The following KCNK2 variants were observed in gnomAD, a reference collection of about 807,000 sequenced individuals.
The protein encoded by KCNK2 is potassium channel subfamily K member 2.
A neutral mutation model predicts 40.5 loss-of-function variants in KCNK2; 21 were observed. The observed-to-expected ratio is 0.52, with a 90% confidence interval of 0.37 to 0.75. The LOEUF is 0.75. Ranked by LOEUF, KCNK2 falls within the 30% of genes least tolerant of loss-of-function variation. The pLI, the probability that KCNK2 is intolerant of heterozygous loss-of-function variation, is 0.00. For missense variants in KCNK2, 399 were observed against 531.6 expected, an observed-to-expected ratio of 0.75 and a Z score of 2.45; for synonymous variants, 191 against 202.2, an observed-to-expected ratio of 0.94 and a Z score of 0.47.
At chr1:215,154,033 T>C (rs906460650) in intron 3 of KCNK2, among the ~76,000 whole-genome samples, 5 of 152,208 alleles carry the variant, frequency 3.3e-5, no homozygotes, top group Admixed American at 2.6e-4. Flanking sequence ...TTTGCTATTG[T>C]AAATAATGCT....
intron 1 of KCNK2, among the ~76,000 whole-genome samples, chr1:215,065,110 T>C (rs1248131937): frequency 1.3e-5 from 2 of 152,226 alleles, no homozygotes; most frequent in Non-Finnish European, 2.9e-5. Flanking sequence ...CTTTGTTTTC[T>C]TACTTTTACA....
At chr1:215,054,952 A>G (rs1449126313) in intron 1 of KCNK2, among the ~76,000 whole-genome samples, 1 of 152,242 alleles carries the variant, frequency 6.6e-6, no homozygotes, top group Admixed American at 6.5e-5. Flanking sequence ...CCTTGAGCAC[A>G]CAACTCAAGT....
chr1:215,129,196 T>C (rs571118641), intron 3 of KCNK2, among the ~76,000 whole-genome samples: 9 of 152,328 alleles, frequency 5.9e-5, no homozygotes, highest in African/African-American at 2.2e-4. Context: ...GCAGCAGTCT[T>C]GTAACTCATG....
At position 215,202,075 on chromosome 1, in the gene KCNK2, T is replaced by C. The variant is rs548749134; in HGVS notation, c.963+6983T>C. Among the ~76,000 whole-genome samples the C allele has an allele frequency of 2.0e-5, 3 of 152,298 alleles. No individual in the cohort carries two copies. The South Asian group carries it at 6.2e-4, about 32-fold the overall frequency. ...AGTAGTTATAAATGACTACTTGAAA[T>C]TGGACTATGGGCATATTATTCATTG... On this transcript the variant is annotated intron_variant, in intron 6 of 6. Coordinates refer to ENST00000444842, the MANE Select transcript of KCNK2 (RefSeq NM_001017425.3).
At chr1:215,020,161 T>C (rs1458950890) in intron 1 of KCNK2, among the ~76,000 whole-genome samples, 1 of 152,142 alleles carries the variant, frequency 6.6e-6, no homozygotes, top group Non-Finnish European at 1.5e-5. Context: ...ACTTTGGATG[T>C]TTTCAATGGG....
At chr1:215,136,534 T>C (rs572972545) in intron 3 of KCNK2, among the ~76,000 whole-genome samples, 1 of 152,332 alleles carries the variant, frequency 6.6e-6, no homozygotes, top group South Asian at 2.1e-4. Context: ...TGCTAAGATA[T>C]ATTCTGTGAC....
intron 6 of KCNK2, among the ~76,000 whole-genome samples, chr1:215,230,850 C>A (rs372201825): frequency 4.6e-5 from 7 of 151,608 alleles, no homozygotes; most frequent in South Asian, 2.1e-4. Flanking sequence ...GGGAATTCTA[C>A]AGAAATGAGA....
intron 5 of KCNK2, among the ~76,000 whole-genome samples, chr1:215,182,659 C>G (rs1300882672): frequency 6.6e-6 from 1 of 152,174 alleles, no homozygotes; most frequent in African/African-American, 2.4e-5. Context: ...ACAGTTTTGA[C>G]TGTGGAAGCT....
chr1:215,079,404 C>T (rs1659064414), upstream of KCNK2, among the ~76,000 whole-genome samples: 1 of 152,140 alleles, frequency 6.6e-6, no homozygotes, highest in South Asian at 2.1e-4. Context: ...GGGAACCAGG[C>T]ACATCTTATA....
upstream of KCNK2, among the ~76,000 whole-genome samples, chr1:215,079,296 G>A (rs796581210): frequency 6.6e-5 from 10 of 152,216 alleles, no homozygotes; most frequent in African/African-American, 1.4e-4. Flanking sequence ...GGTAATTTAC[G>A]AAGAAAAGAG....
At chr1:215,221,547 T>C (rs1467542917) in intron 6 of KCNK2, among the ~76,000 whole-genome samples, 1 of 151,862 alleles carries the variant, frequency 6.6e-6, no homozygotes, top group African/African-American at 2.4e-5. Flanking sequence ...TAGAAAATCA[T>C]AGGAAAGAGA....
At chr1:215,084,915 A>G (rs1659365022) in intron 1 of KCNK2, among the ~76,000 whole-genome samples, 1 of 152,200 alleles carries the variant, frequency 6.6e-6, no homozygotes. Context: ...ATCATTTTAC[A>G]ACACTACTTA....
chr1:215,107,551 T>C (rs1660486951), intron 2 of KCNK2, among the ~76,000 whole-genome samples: 1 of 152,174 alleles, frequency 6.6e-6, no homozygotes, highest in African/African-American at 2.4e-5. Flanking sequence ...CTAAGGGGTA[T>C]ATGTGAAGTA....
intron 2 of KCNK2, among the ~76,000 whole-genome samples, chr1:215,104,092 G>T (rs1192897566): frequency 6.6e-6 from 1 of 152,056 alleles, no homozygotes; most frequent in Non-Finnish European, 1.5e-5. Context: ...CAGCAAAGTT[G>T]TATCAAAATA....
chr1:215,082,093 G>A (rs1484402978), upstream of KCNK2: 3 of 152,174 alleles, frequency 2.0e-5, no homozygotes, highest in African/African-American at 7.2e-5. Context: ...ACCTAACCGG[G>A]TTTTCTTCCA....
intron 2 of KCNK2, among the ~76,000 whole-genome samples, chr1:215,089,925 C>G (rs1480676411): frequency 6.6e-6 from 1 of 150,482 alleles, no homozygotes; most frequent in Non-Finnish European, 1.5e-5. Context: ...CTCTTGGGTT[C>G]AAGTGATTCT....
At chr1:215,206,453 A>C (rs1385461693) in intron 6 of KCNK2, among the ~76,000 whole-genome samples, 1 of 152,208 alleles carries the variant, frequency 6.6e-6, no homozygotes, top group African/African-American at 2.4e-5. Flanking sequence ...AAGTACTATA[A>C]AATCTATTCA....
chr1:215,115,736 T>TAA (rs1454645707), intron 2 of KCNK2, among the ~76,000 whole-genome samples: 58 of 126,980 alleles, frequency 4.6e-4, no homozygotes, highest in African/African-American at 1.3e-3. Context: ...CTTTTTTTTT[T>TAA]AAAAAAATTA....
chr1:215,110,847 A>T (rs1391549472), intron 2 of KCNK2, among the ~76,000 whole-genome samples: 1 of 152,048 alleles, frequency 6.6e-6, no homozygotes, highest in African/African-American at 2.4e-5. Context: ...TCACTATCAC[A>T]TTATTGTCAT....
Sources: gnomAD v4.1 joint callset for allele counts (sites outside exome capture counted in the v4.1 genomes callset) on GRCh38, gnomAD v4.1.1 for gene constraint, MANE v1.5 for transcripts, NCBI Gene and HGNC (gene_info 2026-07-23, HGNC 2026-07-21) for gene names.